MAF: variants seen among roughly 807,000 people sequenced by gnomAD.
The protein encoded by MAF is MAF bZIP transcription factor.
In MAF, 10 loss-of-function variants were observed where a neutral mutation model predicts 22.0. That is an observed-to-expected ratio of 0.45 (90% CI 0.28 to 0.77). MAF has a LOEUF of 0.77. MAF is among the 30% of genes least tolerant of loss of function. MAF has a pLI of 0.12. For missense variants in MAF, 544 were observed against 548.4 expected (o/e 0.99, Z 0.08); for synonymous variants, 337 against 255.8 (o/e 1.32, Z -3.03).
At chr16:79,488,293 G>A in the MAF span, among the ~76,000 whole-genome samples, 1 of 152,178 alleles carries the variant, frequency 6.6e-6, no homozygotes, top group Non-Finnish European at 1.5e-5. Flanking sequence ...CCAGGAAGGA[G>A]AAAAACACCT....
chr16:79,316,830 G>C, the MAF span, among the ~76,000 whole-genome samples: 14 of 152,130 alleles, frequency 9.2e-5, no homozygotes, highest in African/African-American at 3.4e-4. Context: ...CTCTGGGCTG[G>C]TTGCCAACAC....
the MAF span, among the ~76,000 whole-genome samples, chr16:79,320,257 C>T: frequency 6.6e-6 from 1 of 152,074 alleles, no homozygotes. Context: ...TTAAAGGTCA[C>T]CAAAGAATAG....
At chr16:79,462,326 G>A in the MAF span, among the ~76,000 whole-genome samples, 1 of 152,308 alleles carries the variant, frequency 6.6e-6, no homozygotes, top group East Asian at 1.9e-4. Context: ...AACAGGATGA[G>A]TAACCTACTT....
the MAF span, among the ~76,000 whole-genome samples, chr16:79,250,592 C>T: frequency 2.5e-4 from 38 of 152,156 alleles, no homozygotes; most frequent in African/African-American, 9.2e-4. Flanking sequence ...GGGGAAGGCT[C>T]TACTTCTGAG....
the MAF span, among the ~76,000 whole-genome samples, chr16:79,413,570 G>C: frequency 2.6e-5 from 4 of 151,890 alleles, no homozygotes; most frequent in Non-Finnish European, 4.4e-5. Context: ...TTACCTCTCT[G>C]AGCTATATCT....
the MAF span, among the ~76,000 whole-genome samples, chr16:79,430,629 G>A: frequency 6.6e-6 from 1 of 152,202 alleles, no homozygotes; most frequent in East Asian, 1.9e-4. Context: ...GAGAGGCCCA[G>A]GCCTGGTGTT....
chr16:79,461,930 G>T, the MAF span, among the ~76,000 whole-genome samples: 2 of 152,154 alleles, frequency 1.3e-5, no homozygotes, highest in Non-Finnish European at 2.9e-5. Context: ...TCTAATAGGA[G>T]GTTGGAGGAC....
chr16:79,346,547 C>T, the MAF span, among the ~76,000 whole-genome samples: 1 of 151,928 alleles, frequency 6.6e-6, no homozygotes, highest in African/African-American at 2.4e-5. Flanking sequence ...CAAATAATGC[C>T]CTCCAAGGCA....
the MAF span, among the ~76,000 whole-genome samples, chr16:79,423,339 A>G: frequency 6.6e-6 from 1 of 152,158 alleles, no homozygotes; most frequent in Non-Finnish European, 1.5e-5. Context: ...TCTGGAGAGC[A>G]GCAAGGAGGC....
chr16:79,538,606 A>G, the MAF span, among the ~76,000 whole-genome samples: 1 of 152,144 alleles, frequency 6.6e-6, no homozygotes, highest in African/African-American at 2.4e-5. Context: ...AGAGATAAAC[A>G]TGGAAGAAAT....
chr16:79,568,920 C>G, the MAF span, among the ~76,000 whole-genome samples: 1 of 152,216 alleles, frequency 6.6e-6, no homozygotes, highest in Non-Finnish European at 1.5e-5. Flanking sequence ...GAGTCTGTTA[C>G]TGTGCCCATT....
chr16:79,461,598 G>T, the MAF span, among the ~76,000 whole-genome samples: 774 of 152,248 alleles, frequency 5.1e-3, 7 homozygotes, highest in African/African-American at 0.018. Flanking sequence ...GAGGATTCTG[G>T]GAAATATCTC....
At chr16:79,589,390 G>A (rs138351856), downstream of MAF, among the ~76,000 whole-genome samples, 822 of 152,116 alleles carry the variant, frequency 5.4e-3, 15 homozygotes, top group African/African-American at 0.019. Flanking sequence ...ACCCCAAACC[G>A]TATCGAGATT....
chr16:79,594,625 G>A, intron 1 of MAF, 72 bp from the exon 2 acceptor site: 1 of 1,520,864 alleles, frequency 6.6e-7, no homozygotes, highest in Non-Finnish European at 8.8e-7. Context: ...GGGAAAGCTA[G>A]ATTTCCTCAT....
At chr16:79,404,129 G>T in the MAF span, among the ~76,000 whole-genome samples, 4 of 151,400 alleles carry the variant, frequency 2.6e-5, no homozygotes, top group African/African-American at 9.8e-5. Context: ...CCGATTTGTA[G>T]GAGCCCTTAA....
At chr16:79,458,946 G>T in the MAF span, among the ~76,000 whole-genome samples, 1 of 152,148 alleles carries the variant, frequency 6.6e-6, no homozygotes, top group Non-Finnish European at 1.5e-5. Context: ...CTTTTCATTT[G>T]TTTTGGTTAC....
At chr16:79,277,093 A>G in the MAF span, among the ~76,000 whole-genome samples, 3 of 152,084 alleles carry the variant, frequency 2.0e-5, no homozygotes, top group Non-Finnish European at 4.4e-5. Flanking sequence ...GCTGGAGAGC[A>G]GTGGTGCAAT....
At chr16:79,268,823 C>T in the MAF span, among the ~76,000 whole-genome samples, 2 of 152,154 alleles carry the variant, frequency 1.3e-5, no homozygotes, top group African/African-American at 2.4e-5. Flanking sequence ...GCACACAAGC[C>T]GCATTGTCAG....
At chr16:79,389,106 G>A in the MAF span, among the ~76,000 whole-genome samples, 268 of 152,272 alleles carry the variant, frequency 1.8e-3, 1 homozygote, top group African/African-American at 6.3e-3. Context: ...TGGACAGCGG[G>A]TGGCAAACAT....
Sources: allele counts gnomAD v4.1 joint callset (sites outside exome capture counted in the v4.1 genomes callset), GRCh38; gene constraint gnomAD v4.1.1; transcripts MANE v1.5; gene names NCBI Gene and HGNC (gene_info 2026-07-23, HGNC 2026-07-21).